PPP2R2C: variants seen among roughly 807,000 people sequenced by gnomAD.
PPP2R2C encodes protein phosphatase 2 regulatory subunit Bgamma.
In PPP2R2C, 10 loss-of-function variants were observed where a neutral mutation model predicts 45.3. The ratio of observed to expected loss-of-function variants is 0.22; its 90% confidence interval spans 0.14 to 0.37. The LOEUF (loss-of-function observed/expected upper bound fraction) is 0.37. Among genes scored for constraint, PPP2R2C ranks in the 10% least tolerant of loss-of-function variants. PPP2R2C has a pLI of 1.00. For missense variants in PPP2R2C, 308 were observed against 619.7 expected, an observed-to-expected ratio of 0.50 and a Z score of 5.34; for synonymous variants, 257 against 245.4, an observed-to-expected ratio of 1.05 and a Z score of -0.44.
chr4:6,417,823 C>A (rs936973819), intron 1 of PPP2R2C, among the ~76,000 whole-genome samples: 1 of 152,248 alleles, frequency 6.6e-6, no homozygotes, highest in Non-Finnish European at 1.5e-5. Context: ...ATTCCAGACA[C>A]CCAGAGCAGC....
At chr4:6,493,356 G>A (rs1722770517) in intron 2 of PPP2R2C, among the ~76,000 whole-genome samples, 1 of 151,792 alleles carries the variant, frequency 6.6e-6, no homozygotes. Flanking sequence ...AGGGAGCTGG[G>A]GTGGGGGGCG....
chr4:6,406,449 G>T (rs1036419945), intron 1 of PPP2R2C, among the ~76,000 whole-genome samples: 6 of 152,248 alleles, frequency 3.9e-5, no homozygotes, highest in African/African-American at 1.2e-4. Context: ...ACACACTCTT[G>T]GCAGGGTGCA....
At chr4:6,344,246 G>A (rs996181638) in intron 6 of PPP2R2C, among the ~76,000 whole-genome samples, 1 of 152,224 alleles carries the variant, frequency 6.6e-6, no homozygotes. Context: ...AAAAGTTAAC[G>A]TTCACTGCAG....
intron 1 of PPP2R2C, among the ~76,000 whole-genome samples, chr4:6,410,593 T>C (rs1490365149): frequency 6.6e-6 from 1 of 152,064 alleles, no homozygotes; most frequent in Non-Finnish European, 1.5e-5. Flanking sequence ...CAGAAATGTG[T>C]CTGGTGTGCC....
intron 1 of PPP2R2C, among the ~76,000 whole-genome samples, chr4:6,470,479 C>A (rs1721810616): frequency 6.6e-6 from 1 of 152,202 alleles, no homozygotes; most frequent in Non-Finnish European, 1.5e-5. Flanking sequence ...ACAACGAGCC[C>A]TGCGCCCCAT....
chr4:6,383,162 G>A, intron 1 of PPP2R2C: 2 of 1,171,358 alleles, frequency 1.7e-6, no homozygotes, highest in Non-Finnish European at 2.1e-6. Flanking sequence ...GCCTCTGGCG[G>A]TACCAGGAGC....
At chr4:6,348,579 C>A (rs1343930542) in intron 5 of PPP2R2C, 12 of 921,420 alleles carry the variant, frequency 1.3e-5, no homozygotes, top group Non-Finnish European at 1.3e-5. Flanking sequence ...GGCAAAGGTT[C>A]TTCTGGGTTT....
At chr4:6,407,176 C>G (rs1577154987) in intron 1 of PPP2R2C, among the ~76,000 whole-genome samples, 1 of 152,204 alleles carries the variant, frequency 6.6e-6, no homozygotes. Flanking sequence ...TTTAAACAAC[C>G]AAACGTGTGA....
chr4:6,525,171 G>A (rs759491401), intron 2 of PPP2R2C, among the ~76,000 whole-genome samples: 2 of 152,162 alleles, frequency 1.3e-5, no homozygotes, highest in Non-Finnish European at 2.9e-5. Context: ...TTGGGAGGCC[G>A]AGATGGTTGG....
chr4:6,428,576 C>T (rs143914108), intron 1 of PPP2R2C, among the ~76,000 whole-genome samples: 1 of 152,320 alleles, frequency 6.6e-6, no homozygotes, highest in African/African-American at 2.4e-5. Context: ...TTTTCTGGTT[C>T]GGAAATCACA....
At chr4:6,558,278 C>G (rs1168059545) in intron 1 of PPP2R2C, among the ~76,000 whole-genome samples, 1 of 152,192 alleles carries the variant, frequency 6.6e-6, no homozygotes, top group Non-Finnish European at 1.5e-5. Context: ...CATCTGTGAC[C>G]TGGGGTGCTG....
intron 1 of PPP2R2C, among the ~76,000 whole-genome samples, chr4:6,390,747 G>A (rs1253067715): frequency 6.6e-6 from 1 of 152,170 alleles, no homozygotes; most frequent in Admixed American, 6.5e-5. Flanking sequence ...CAGGGCCACC[G>A]GGGTCACAGA....
intron 6 of PPP2R2C, among the ~76,000 whole-genome samples, chr4:6,343,007 C>G (rs1483813820): frequency 6.6e-6 from 1 of 152,230 alleles, no homozygotes; most frequent in Non-Finnish European, 1.5e-5. Context: ...CTATCAGCCA[C>G]TCCCTGAGTT....
chr4:6,355,993 G>GAAAAAAAAAAAAAAAA (rs61011461), intron 5 of PPP2R2C, among the ~76,000 whole-genome samples: 1 of 97,904 alleles, frequency 1.0e-5, no homozygotes, highest in Non-Finnish European at 2.1e-5. Flanking sequence ...ACTCTGCCTG[G>GAAAAAAAAAAAAAAAA]AAAAAAAAAA....
intron 2 of PPP2R2C, among the ~76,000 whole-genome samples, chr4:6,529,298 C>T (rs1351824731): frequency 1.3e-5 from 2 of 152,358 alleles, no homozygotes; most frequent in South Asian, 2.1e-4. Flanking sequence ...ATTTCACACA[C>T]GACAAAGAGC....
chr4:6,530,340 T>C (rs1724353859), intron 2 of PPP2R2C, among the ~76,000 whole-genome samples: 1 of 152,018 alleles, frequency 6.6e-6, no homozygotes, highest in Non-Finnish European at 1.5e-5. Flanking sequence ...GCACGCGACG[T>C]ATGTAGAAGC....
In PPP2R2C at chr4:6,511,553, T is replaced by G. The variant is rs868859115; in HGVS notation, c.49+23718A>C. Among the ~76,000 whole-genome samples the G allele has an allele frequency of 1.7e-3, 65 of 37,182 alleles. 3 individuals are homozygous for G. Among genetic ancestry groups the G allele is most frequent in the Non-Finnish European group, 3.0e-3 (44 of 14,694 alleles). 24.4% of individuals were successfully genotyped at this position (37,182 alleles called of 152,430 possible). A position where few individuals can be genotyped will look rare whatever the true frequency, so the allele number is the denominator to read the frequency against. ...GTGGTGGTGGTGGTGGTGATGGTGG[T>G]GGTGGTGGTGGTGGTGGTGATGGCG... On this transcript the variant is annotated intron_variant, in intron 2 of 9. Coordinates refer to the PPP2R2C transcript ENST00000506140.
chr4:6,489,516 T>C (rs541795805), intron 2 of PPP2R2C, among the ~76,000 whole-genome samples: 2 of 152,194 alleles, frequency 1.3e-5, no homozygotes, highest in Non-Finnish European at 2.9e-5. Flanking sequence ...AACCCTTTCA[T>C]ACCCTGCCTG....
intron 5 of PPP2R2C, among the ~76,000 whole-genome samples, chr4:6,356,678 C>T (rs768376149): frequency 2.6e-5 from 4 of 152,242 alleles, no homozygotes; most frequent in African/African-American, 4.8e-5. Flanking sequence ...TCAGAGTGGG[C>T]GCTCTGTAGG....
Sources: gnomAD v4.1 joint callset for allele counts (sites outside exome capture counted in the v4.1 genomes callset) on GRCh38, gnomAD v4.1.1 for gene constraint, MANE v1.5 for transcripts, NCBI Gene and HGNC (gene_info 2026-07-23, HGNC 2026-07-21) for gene names.